DHTKD1: variants seen among roughly 807,000 people sequenced by gnomAD.
DHTKD1 encodes the protein dehydrogenase E1 and transketolase domain containing 1, also known as 2-oxoadipate dehydrogenase complex component E1.
In DHTKD1, 78 loss-of-function variants were observed where a neutral mutation model predicts 101.8. The ratio of observed to expected loss-of-function variants is 0.77; its 90% CI spans 0.64 to 0.93. The LOEUF is 0.93. Among genes scored for constraint, DHTKD1 ranks in the 40% least tolerant of loss-of-function variants. The probability of loss-of-function intolerance (pLI) is 0.00; values close to 1 mark genes in which losing one functional copy is unlikely to be tolerated. For synonymous variants in DHTKD1, 462 were observed against 450.3 expected (o/e 1.03, Z -0.33); for missense variants, 1,223 against 1,161.7 (o/e 1.05, Z -0.77).
At chr10:12,092,184 A>G (rs1367280854) in intron 6 of DHTKD1, among the ~76,000 whole-genome samples, 1 of 151,920 alleles carries the variant, frequency 6.6e-6, no homozygotes, top group African/African-American at 2.4e-5. Flanking sequence ...GGGTTTCACC[A>G]TGTTGGCAGG....
intron 5 of DHTKD1, 64 bp from the exon 6 acceptor site, chr10:12,091,449 C>T (rs1005486409): frequency 6.4e-6 from 5 of 780,114 alleles, no homozygotes; most frequent in Non-Finnish European, 7.5e-6. Context: ...AACCTGAAAA[C>T]CTAGATTTCT....
chr10:12,089,231 G>T lies in DHTKD1; in HGVS notation c.963G>T (p.Pro321=), dbSNP rs377143488. The T allele has an allele frequency of 2.5e-6, 4 of 1,613,842 alleles. No homozygotes were observed. Among genetic ancestry groups the T allele is most frequent in the Admixed American group, 1.7e-5 (1 of 59,990 alleles). ...ACTCTCCAGACAACTCAGCCCAGCC[G>T]GGGGACAGGGTCATTTGCTTACAGG... is the stretch of plus-strand genomic sequence containing the variant. ...GDYSPDNSAQ[P]GDRVICLQVH... Residue 321 remains proline (P), a synonymous_variant, in exon 5 of 17, where the codon CCG becomes CCT. Transcript: ENST00000263035.
In DHTKD1 at chr10:12,083,152, C is replaced by T. The variant is rs567576401; in HGVS notation, c.311-1388C>T. Among the ~76,000 whole-genome samples the T allele has an allele frequency of 2.6e-3, 386 of 146,978 alleles. 2 individuals are homozygous for T. Among genetic ancestry groups the T allele is most frequent in the Non-Finnish European group, 3.9e-3 (260 of 66,706 alleles). ...CAGCCTGGGCGACAGAGCGAGACTC[C>T]GTCTCAAAAAAAAAAAAAGAAACCA... On this transcript the variant is annotated intron_variant, in intron 2 of 16. Coordinates refer to ENST00000263035, the MANE Select transcript of DHTKD1 (RefSeq NM_018706.7).
At chr10:12,073,081 G>A (rs1268996791) in intron 1 of DHTKD1, among the ~76,000 whole-genome samples, 1 of 151,688 alleles carries the variant, frequency 6.6e-6, no homozygotes, top group Non-Finnish European at 1.5e-5. Flanking sequence ...GGCCCAGGCT[G>A]GAGTGCAGTG....
intron 6 of DHTKD1, among the ~76,000 whole-genome samples, chr10:12,092,073 T>C (rs960527456): frequency 2.0e-5 from 3 of 151,758 alleles, no homozygotes; most frequent in Non-Finnish European, 4.4e-5. Flanking sequence ...AACCTCCGCC[T>C]TTCAGGTTCA....
intron 1 of DHTKD1, among the ~76,000 whole-genome samples, chr10:12,072,245 T>C (rs1196013620): frequency 2.0e-5 from 3 of 152,150 alleles, no homozygotes; most frequent in Admixed American, 6.6e-5. Context: ...GCTGGGAAGA[T>C]CACTTGAGGC....
At chr10:12,083,961 C>A (rs1832861076) in intron 2 of DHTKD1, among the ~76,000 whole-genome samples, 1 of 151,790 alleles carries the variant, frequency 6.6e-6, no homozygotes, top group Non-Finnish European at 1.5e-5. Context: ...CTTGCTCTGT[C>A]GCCCAGGCTG....
chr10:12,089,066 C>A lies in DHTKD1; in HGVS notation c.798C>A (p.Thr266=). The A allele has an allele frequency of 6.2e-7, 1 of 1,614,058 alleles. No homozygotes were observed. Among genetic ancestry groups the A allele is most frequent in the Non-Finnish European group, 8.5e-7 (1 of 1,179,952 alleles). ...SATGDVLSHL[T]SSVDLYFGAH... ...CTGGAGACGTCCTGTCTCACCTGACCTCCTCTGTGGACCTGTACTTTGGGG... is the reference window on the plus strand; with the variant it reads ...CTGGAGACGTCCTGTCTCACCTGACATCCTCTGTGGACCTGTACTTTGGGG... Residue 266 remains threonine, a synonymous_variant, in exon 5 of 17, where the codon ACC becomes ACA. Transcript: ENST00000263035.
chr10:12,105,563 C>G (rs913985926), intron 10 of DHTKD1, among the ~76,000 whole-genome samples: 5 of 152,070 alleles, frequency 3.3e-5, no homozygotes, highest in Non-Finnish European at 5.9e-5. Flanking sequence ...AGCGATCCTC[C>G]CATCTCGGCC....
At chr10:12,116,614 C>G (rs1477502055) in intron 13 of DHTKD1, among the ~76,000 whole-genome samples, 1 of 151,970 alleles carries the variant, frequency 6.6e-6, no homozygotes, top group Non-Finnish European at 1.5e-5. Context: ...TGGTCTTGAA[C>G]TCCTGATATC....
At chr10:12,074,312 C>G (rs551698975) in intron 1 of DHTKD1, among the ~76,000 whole-genome samples, 1 of 152,242 alleles carries the variant, frequency 6.6e-6, no homozygotes, top group South Asian at 2.1e-4. Context: ...TCCTCAGTAG[C>G]TGAGATCACA....
Position 12,089,050 on chromosome 10 carries a change from T to A in DHTKD1, c.782T>A (p.Val261Asp). The A allele has an allele frequency of 6.2e-7, 1 of 1,613,892 alleles. No homozygotes were observed. Among genetic ancestry groups the A allele is most frequent in the Non-Finnish European group, 8.5e-7 (1 of 1,179,780 alleles). ...FPENFSATGD[V>D]LSHLTSSVDL... ...GAGAATTTCTCAGCCACTGGAGACG[T>A]CCTGTCTCACCTGACCTCCTCTGTG... is the stretch of plus-strand genomic sequence containing the variant. Residue 261 changes from valine (V) to aspartate (D), a missense_variant, in exon 5 of 17, where the codon GTC becomes GAC. Physicochemically the swap from Val to Asp is radical, Grantham distance 152. Transcript: ENST00000263035.
intron 1 of DHTKD1, among the ~76,000 whole-genome samples, chr10:12,072,759 G>A (rs1832670128): frequency 6.7e-6 from 1 of 148,564 alleles, no homozygotes; most frequent in Non-Finnish European, 1.5e-5. Flanking sequence ...TTTTTGAGAT[G>A]GAGTTTCGCT....
Position 12,069,095 on chromosome 10 carries a change from G to A in DHTKD1, c.62G>A (p.Trp21Ter). The change falls in exon 1 of 17, where the codon TGG (tryptophan) becomes TAG (stop). Residue 21 changes from tryptophan to a stop codon, truncating the protein, a stop_gained. Transcript: ENST00000263035. LOFTEE classifies it high-confidence loss of function. Reference protein sequence around the residue: ...RGLGRALPLFWRGYQTERGVY... With the variant: ...RGLGRALPLF The stretch of plus-strand genomic sequence containing the variant: ...CTCGGCCGGGCTCTCCCTCTCTTCT[G>A]GCGTGGCTACCAGACCGAGCGGGGC... 1 of 1,612,234 alleles carries A rather than the reference G, an allele frequency of 6.2e-7. No homozygotes were observed. Among genetic ancestry groups the A allele is most frequent in the Non-Finnish European group, 8.5e-7 (1 of 1,179,498 alleles).
At chr10:12,112,061 T>C (rs555339017) in intron 12 of DHTKD1, among the ~76,000 whole-genome samples, 1 of 112,402 alleles carries the variant, frequency 8.9e-6, no homozygotes, top group East Asian at 2.5e-4. Flanking sequence ...ATGCCTGTAA[T>C]CCCAGCACTT....
intron 2 of DHTKD1, 69 bp from the exon 3 acceptor site, chr10:12,084,468 TATA>T: frequency 3.0e-6 from 3 of 1,014,378 alleles, no homozygotes; most frequent in South Asian, 2.7e-5. Context: ...AAATACAGTA[TATA>T]ATAATCTCAA....
rs376672314 is a variant in DHTKD1, at chr10:12,117,860, ATT to A, written c.2402+109_2402+110del. 0.87 allele frequency: 255,009 copies of A among 294,378 alleles called. 111,460 individuals carry two copies. Among genetic ancestry groups the A allele is most frequent in the Non-Finnish European group, 0.89 (147,038 of 164,490 alleles). 18.2% of individuals were successfully genotyped at this position (294,378 alleles called of 1,614,324 possible). A position where few individuals can be genotyped will look rare whatever the true frequency, so the allele number is the denominator to read the frequency against. On this transcript the variant is annotated intron_variant, in intron 14 of 16. Transcript: ENST00000263035. ...AGGTGATGCAGATCTCCCCTCTCCTATTTTTATTTATTTATTTATTTATTTAT... is the reference window on the plus strand; with the variant it reads ...AGGTGATGCAGATCTCCCCTCTCCTATTTATTTATTTATTTATTTATTTAT...
rs375496772 is a variant in DHTKD1 at position 12,097,930 on chromosome 10, C to T, written c.1605C>T (p.Gly535=). 1.9e-6 allele frequency: 3 copies of T among 1,614,182 alleles called. No homozygotes were observed. Among genetic ancestry groups the T allele is most frequent in the Non-Finnish European group, 8.5e-7 (1 of 1,180,022 alleles). Residue 535 remains glycine (G), a synonymous_variant, in exon 8 of 17, where the codon GGC becomes GGT. Coordinates refer to ENST00000263035, the MANE Select transcript of DHTKD1 (RefSeq NM_018706.7). The part of the protein sequence containing the change: ...GVPLDLLRFV[G]MKSVEVPREL... Reference sequence around the variant, plus strand: ...CCCTCGACCTCCTGCGGTTTGTTGGCATGAAGTCTGTAGAGGTGCCAAGAG... The same window carrying T: ...CCCTCGACCTCCTGCGGTTTGTTGGTATGAAGTCTGTAGAGGTGCCAAGAG...
chr10:12,071,551 C>T (rs1228158653), intron 1 of DHTKD1, among the ~76,000 whole-genome samples: 1 of 152,108 alleles, frequency 6.6e-6, no homozygotes, highest in African/African-American at 2.4e-5. Flanking sequence ...GTGGGCGGAT[C>T]ACCAGGTCAG....
Sources: allele counts gnomAD v4.1 joint callset (sites outside exome capture counted in the v4.1 genomes callset), GRCh38; gene constraint gnomAD v4.1.1; transcripts MANE v1.5; gene names NCBI Gene and HGNC (gene_info 2026-07-23, HGNC 2026-07-21).